ACOT9: variants seen among roughly 807,000 people sequenced by gnomAD.
ACOT9 encodes acyl-CoA thioesterase 9, also known as acyl-coenzyme A thioesterase 9, mitochondrial.
ACOT9 carries 34 observed loss-of-function variants against 39.7 expected under a neutral mutation model. That is an observed-to-expected ratio of 0.86 (90% confidence interval 0.65 to 1.14). ACOT9 has a LOEUF of 1.14. ACOT9 is among the 50% of genes most tolerant of loss of function. ACOT9 has a pLI of 0.00. For missense variants in ACOT9, 313 were observed against 344.1 expected (o/e 0.91, Z 0.71); for synonymous variants, 110 against 120.5 (o/e 0.91, Z 0.57).
At chrX:23,730,743 G>T in intron 5 of ACOT9, 73 bp downstream of exon 5, 3 of 1,050,554 alleles carry the variant, frequency 2.9e-6, no homozygotes, top group Non-Finnish European at 3.9e-6. Flanking sequence ...ATTGTATGGT[G>T]TGTGAATTAT....
Position 23,703,807 on chromosome X carries a change from A to G in ACOT9, c.*87T>C, listed in dbSNP as rs762780738. On this transcript the variant is annotated 3_prime_UTR_variant, in exon 16 of 16. Coordinates refer to ENST00000379303, the MANE Select transcript of ACOT9 (RefSeq NM_001037171.2). The stretch of plus-strand genomic sequence containing the variant: ...CCTCCTGTGTGGAGGACACGAAGCA[A>G]TACTAAAATCAATACACTCGATCAG... The G allele has an allele frequency of 1.1e-4, 86 of 756,000 alleles. No individual in the cohort carries two copies. The African/African-American group carries it at 1.4e-3, about 12-fold the overall frequency. The allele number at this position is 756,000 out of a possible 1,213,427, so 62.3% of individuals were successfully genotyped here. A position where few individuals can be genotyped will look rare whatever the true frequency, so the allele number is the denominator to read the frequency against.
In ACOT9 at chrX:23,736,266, C is replaced by T. The variant is rs377300414; in HGVS notation, c.21-250G>A. Reference sequence around the variant, plus strand: ...AATTATCTACAAAATAAATAAAAGACGGCAACTAGGTTTAATGCATTTATT... The same window carrying T: ...AATTATCTACAAAATAAATAAAAGATGGCAACTAGGTTTAATGCATTTATT... On this transcript the variant is annotated intron_variant, in intron 1 of 15. Coordinates refer to ENST00000379303, the MANE Select transcript of ACOT9 (RefSeq NM_001037171.2). 7.9e-4 allele frequency among the ~76,000 whole-genome samples: 88 copies of T among 112,084 alleles called. 1 individual carries two copies. The highest frequency in any genetic ancestry group is 2.8e-3 in the East Asian group (10 of 3,612).
intron 13 of ACOT9, 66 bp from the exon 14 acceptor site, chrX:23,705,146 T>C: frequency 1.1e-6 from 1 of 929,087 alleles, no homozygotes; most frequent in Non-Finnish European, 1.5e-6. Context: ...TTGTTTCCTC[T>C]AACAACTAGC....
intron 8 of ACOT9, among the ~76,000 whole-genome samples, chrX:23,720,405 G>A (rs1379309118): frequency 1.8e-5 from 2 of 111,582 alleles, no homozygotes; most frequent in Admixed American, 9.6e-5. Flanking sequence ...AAATAGAGTC[G>A]TTGCAGACAT....
intron 9 of ACOT9, among the ~76,000 whole-genome samples, chrX:23,711,573 A>T (rs1928897179): frequency 9.0e-6 from 1 of 111,416 alleles, no homozygotes; most frequent in Non-Finnish European, 1.9e-5. Context: ...ACAAAATTTG[A>T]GAATTACTCT....
rs1204541422 is a variant in ACOT9, at chrX:23,701,587, C to T, written c.*2307G>A. Among the ~76,000 whole-genome samples, 3 of 111,238 alleles carry T rather than the reference C, an allele frequency of 2.7e-5. No homozygotes were observed. Among genetic ancestry groups the T allele is most frequent in the African/African-American group, 3.3e-5 (1 of 30,608 alleles). On this transcript the variant is annotated 3_prime_UTR_variant, in exon 16 of 16. Coordinates refer to ENST00000379303, the MANE Select transcript of ACOT9 (RefSeq NM_001037171.2). ...AACTCCTGGACTCAAGCAATCCACT[C>T]ACCTCAGCCTCCTAACTGGGACTAC... is the stretch of plus-strand genomic sequence containing the variant.
chrX:23,705,195 A>G, intron 13 of ACOT9, 115 bp from the exon 14 acceptor site: 1 of 686,646 alleles, frequency 1.5e-6, no homozygotes, highest in Non-Finnish European at 2.3e-6. Flanking sequence ...AAAGTTAGAG[A>G]AGGGGGAAAA....
intron 10 of ACOT9, chrX:23,706,984 C>G (rs1928715781): frequency 3.8e-6 from 1 of 260,066 alleles, no homozygotes; most frequent in African/African-American, 2.8e-5. Flanking sequence ...CATTGAGATG[C>G]ATTTCTCACT....
At position 23,733,276 on chromosome X, in the gene ACOT9, G is replaced by C. The variant is rs1174254353; in HGVS notation, c.146-59C>G. Reference sequence around the variant, plus strand: ...CAAAGAAATATGAGAAACGGATTATGGCAATGAGCTCAAGAACTACAAAAA... The same window carrying C: ...CAAAGAAATATGAGAAACGGATTATCGCAATGAGCTCAAGAACTACAAAAA... On this transcript the variant is annotated intron_variant, in intron 3 of 15. Transcript: ENST00000379303. 14 of 1,024,699 alleles carry C rather than the reference G, an allele frequency of 1.4e-5. No homozygotes were observed. The African/African-American group carries it at 2.6e-4, about 19-fold the overall frequency. 84.4% of individuals were successfully genotyped at this position (1,024,699 alleles called of 1,213,427 possible).
chrX:23,735,914 C>T lies in ACOT9; in HGVS notation c.118+5G>A, dbSNP rs1929936505. Reference sequence around the variant, plus strand: ...ATAGGCATCAAACAGAGACACCATGCTTGCCTTCATGAATGTGGAAGATTC... The same window carrying T: ...ATAGGCATCAAACAGAGACACCATGTTTGCCTTCATGAATGTGGAAGATTC... On this transcript the variant is annotated splice_donor_5th_base_variant and intron_variant, in intron 2 of 15. Transcript: ENST00000379303. 8.3e-7 allele frequency: 1 copy of T among 1,206,957 alleles called. No homozygotes were observed. Among genetic ancestry groups the T allele is most frequent in the African/African-American group, 1.7e-5 (1 of 57,721 alleles).
At chrX:23,733,255 G>A in intron 3 of ACOT9, 38 bp from the exon 4 acceptor site, 3 of 1,136,561 alleles carry the variant, frequency 2.6e-6, no homozygotes, top group Non-Finnish European at 3.6e-6. Flanking sequence ...ATGAAACAAA[G>A]AAATATGAGA....
chrX:23,714,550 T>C (rs769416672), intron 8 of ACOT9, among the ~76,000 whole-genome samples: 8 of 111,877 alleles, frequency 7.2e-5, no homozygotes, highest in Admixed American at 1.9e-4. Flanking sequence ...GAAACACTTC[T>C]GGTCCCAGGC....
chrX:23,717,522 G>A (rs1404526963), intron 8 of ACOT9, among the ~76,000 whole-genome samples: 2 of 111,534 alleles, frequency 1.8e-5, no homozygotes, highest in Non-Finnish European at 3.8e-5. Flanking sequence ...AAGGATATGG[G>A]GAGAAAGAAT....
intron 5 of ACOT9, 53 bp downstream of exon 5, chrX:23,730,763 T>C: frequency 1.8e-6 from 2 of 1,109,927 alleles, no homozygotes; most frequent in Non-Finnish European, 2.4e-6. Flanking sequence ...TATTTCAAAA[T>C]TGTTATAAAA....
intron 8 of ACOT9, among the ~76,000 whole-genome samples, chrX:23,716,854 T>C (rs773394147): frequency 9.2e-6 from 1 of 109,069 alleles, no homozygotes; most frequent in Admixed American, 9.9e-5. Context: ...ACCAGCTAAT[T>C]TTTTGTACTT....
intron 10 of ACOT9, 124 bp downstream of exon 10, chrX:23,707,753 A>T: frequency 2.0e-6 from 1 of 504,712 alleles, no homozygotes; most frequent in Non-Finnish European, 3.0e-6. Context: ...AAACAAACAA[A>T]AAAACAAACA....
intron 3 of ACOT9, among the ~76,000 whole-genome samples, chrX:23,734,079 C>T (rs1023867437): frequency 1.3e-4 from 15 of 111,983 alleles, no homozygotes; most frequent in Admixed American, 3.8e-4. Context: ...TCTTCTTATA[C>T]GCAGTAATAG....
At chrX:23,740,597 C>G in intron 1 of ACOT9, among the ~76,000 whole-genome samples, 1 of 108,904 alleles carries the variant, frequency 9.2e-6, no homozygotes, top group African/African-American at 3.3e-5. Flanking sequence ...GATTCTGATT[C>G]AAACCAACCT....
intron 9 of ACOT9, among the ~76,000 whole-genome samples, chrX:23,712,915 C>T (rs761958247): frequency 2.7e-5 from 3 of 112,578 alleles, no homozygotes; most frequent in Non-Finnish European, 5.6e-5. Flanking sequence ...GCCACCTCTC[C>T]CGGCCTGAGA....
Sources: gnomAD v4.1 joint callset for allele counts (sites outside exome capture counted in the v4.1 genomes callset) on GRCh38, gnomAD v4.1.1 for gene constraint, MANE v1.5 for transcripts, NCBI Gene and HGNC (gene_info 2026-07-23, HGNC 2026-07-21) for gene names.